Variants in RAPGEF4 observed in about 807,000 individuals in gnomAD.
RAPGEF4 encodes RAP guanine-nucleotide-exchange factor (GEF) 4.
In RAPGEF4, 66 loss-of-function variants were observed where a neutral mutation model predicts 147.9. The observed-to-expected ratio is 0.45, with a 90% CI of 0.37 to 0.55. The LOEUF is 0.55. Ranked by LOEUF, RAPGEF4 falls within the 20% of genes least tolerant of loss-of-function variation. RAPGEF4 has a pLI of 0.00. For missense variants in RAPGEF4, 1,071 were observed against 1,257.3 expected (o/e 0.85, Z 2.24); for synonymous variants, 419 against 442.7 (o/e 0.95, Z 0.67).
chr2:172,800,646 A>G (rs1406850204), intron 3 of RAPGEF4, among the ~76,000 whole-genome samples: 2 of 152,284 alleles, frequency 1.3e-5, no homozygotes, highest in East Asian at 3.9e-4. Flanking sequence ...TGAAGTCTAG[A>G]GCTGGCAGGC....
intron 4 of RAPGEF4, among the ~76,000 whole-genome samples, chr2:172,878,104 A>G (rs1002788323): frequency 1.3e-5 from 2 of 152,360 alleles, no homozygotes; most frequent in Non-Finnish European, 2.9e-5. Flanking sequence ...TGCACTTCAA[A>G]TGAATTAATT....
intron 5 of RAPGEF4, 51 bp from the exon 6 acceptor site, chr2:172,922,230 C>T (rs552215864): frequency 1.1e-5 from 18 of 1,565,556 alleles, no homozygotes; most frequent in Admixed American, 5.1e-5. Flanking sequence ...TCCACTTTAC[C>T]GGTTGATTAT....
chr2:172,907,216 G>T, intron 4 of RAPGEF4, among the ~76,000 whole-genome samples: 1 of 152,304 alleles, frequency 6.6e-6, no homozygotes, highest in East Asian at 1.9e-4. Context: ...TATTAGTATA[G>T]TCTGTATACT....
At chr2:172,831,905 A>T (rs1690394704) in intron 4 of RAPGEF4, among the ~76,000 whole-genome samples, 1 of 152,204 alleles carries the variant, frequency 6.6e-6, no homozygotes, top group Non-Finnish European at 1.5e-5. Flanking sequence ...TGTGGGGTAG[A>T]TGACCTTGCA....
rs530749626 is a variant in RAPGEF4, at chr2:173,047,825, T to C, written c.2854-775T>C. ...CCAAGTAGCTGGGACTACAGGCGCC[T>C]GCCACCACGCCCGGCTAATTTTTTG... On this transcript the variant is annotated intron_variant, in intron 29 of 30. Coordinates refer to ENST00000397081, the MANE Select transcript of RAPGEF4 (RefSeq NM_007023.4). Among the ~76,000 whole-genome samples, 184 of 151,448 alleles carry C rather than the reference T, an allele frequency of 1.2e-3. No homozygotes were observed. The East Asian group carries it at 0.014, about 11-fold the overall frequency.
At chr2:172,966,133 C>T (rs991881628) in intron 9 of RAPGEF4, among the ~76,000 whole-genome samples, 2 of 152,066 alleles carry the variant, frequency 1.3e-5, no homozygotes, top group African/African-American at 2.4e-5. Context: ...ATTTGTATAC[C>T]CACAGGATGA....
At chr2:172,795,207 T>C in intron 2 of RAPGEF4, 40 bp downstream of exon 2, 1 of 1,550,082 alleles carries the variant, frequency 6.5e-7, no homozygotes, top group Non-Finnish European at 8.9e-7. Context: ...CCATGTATGG[T>C]TTATGCTGAT....
chr2:172,754,820 A>G (rs949225426), intron 1 of RAPGEF4, among the ~76,000 whole-genome samples: 11 of 152,188 alleles, frequency 7.2e-5, no homozygotes, highest in Non-Finnish European at 1.3e-4. Context: ...AGGCGGGCGG[A>G]TCACGAGGTC....
chr2:173,014,566 G>A lies in RAPGEF4; in HGVS notation c.1761G>A (p.Met587Ile). Residue 587 changes from methionine (M) to isoleucine (I), a missense_variant, in exon 18 of 31, where the codon ATG becomes ATA. By Grantham distance (10) the Met-to-Ile change is conservative. Transcript: ENST00000397081. ...VIRLVLQWAAMYGDLLQEDDV... is the reference protein window; with the variant it reads ...VIRLVLQWAAIYGDLLQEDDV... ...GCCTGGTTCTACAGTGGGCTGCCATGTATGGAGACCTCCTGCAAGAGGATG... is the reference window on the plus strand; with the variant it reads ...GCCTGGTTCTACAGTGGGCTGCCATATATGGAGACCTCCTGCAAGAGGATG... 6.2e-7 allele frequency: 1 copy of A among 1,614,112 alleles called. No individual in the cohort carries two copies. Among genetic ancestry groups the A allele is most frequent in the Non-Finnish European group, 8.5e-7 (1 of 1,179,972 alleles).
At chr2:172,976,609 G>A (rs1054154133) in intron 10 of RAPGEF4, among the ~76,000 whole-genome samples, 9 of 152,172 alleles carry the variant, frequency 5.9e-5, no homozygotes, top group African/African-American at 1.9e-4. Context: ...TATTTATAAT[G>A]TTGATTTCTC....
intron 15 of RAPGEF4, among the ~76,000 whole-genome samples, chr2:172,995,245 T>TTGTGTGTGTGTGTG (rs71018528): frequency 7.2e-6 from 1 of 138,590 alleles, no homozygotes; most frequent in African/African-American, 2.8e-5. Flanking sequence ...ACTTGCCTGT[T>TTGTGTGTGTGTGTG]TGTGTGTGTG....
At chr2:172,985,324 C>T in intron 11 of RAPGEF4, 109 bp from the exon 12 acceptor site, 1 of 1,472,516 alleles carries the variant, frequency 6.8e-7, no homozygotes, top group Non-Finnish European at 9.4e-7. Context: ...GAGATGACTG[C>T]ATGGGAAGCC....
At chr2:172,963,126 T>C (rs1689471028) in intron 8 of RAPGEF4, among the ~76,000 whole-genome samples, 1 of 152,076 alleles carries the variant, frequency 6.6e-6, no homozygotes, top group Non-Finnish European at 1.5e-5. Context: ...TCAGATCTCA[T>C]GAGAACTCAC....
At chr2:172,813,989 T>G (rs892479850) in intron 3 of RAPGEF4, among the ~76,000 whole-genome samples, 2 of 152,186 alleles carry the variant, frequency 1.3e-5, no homozygotes, top group Admixed American at 6.5e-5. Context: ...GTCTGACTTC[T>G]TTTACATGAA....
chr2:172,910,633 G>A (rs1559113784), intron 4 of RAPGEF4, among the ~76,000 whole-genome samples: 1 of 152,210 alleles, frequency 6.6e-6, no homozygotes, highest in Non-Finnish European at 1.5e-5. Flanking sequence ...TGAGCACCTG[G>A]GGGCTGGAAT....
intron 4 of RAPGEF4, among the ~76,000 whole-genome samples, chr2:172,826,595 G>T (rs1357297648): frequency 2.6e-5 from 4 of 152,304 alleles, no homozygotes; most frequent in Non-Finnish European, 5.9e-5. Flanking sequence ...ATCAGATATT[G>T]TATTTAGTAG....
intron 27 of RAPGEF4, 35 bp downstream of exon 27, chr2:173,033,999 T>C: frequency 6.4e-7 from 1 of 1,562,624 alleles, no homozygotes. Flanking sequence ...CTGTTCACTG[T>C]CTACATTAAT....
At chr2:172,819,753 C>T (rs1214652003) in intron 4 of RAPGEF4, among the ~76,000 whole-genome samples, 1 of 152,168 alleles carries the variant, frequency 6.6e-6, no homozygotes, top group Non-Finnish European at 1.5e-5. Flanking sequence ...GCGTGAACCA[C>T]CGCGCCCGGC....
chr2:172,947,136 G>C (rs560361062), intron 6 of RAPGEF4, among the ~76,000 whole-genome samples: 4 of 152,232 alleles, frequency 2.6e-5, no homozygotes, highest in Admixed American at 2.6e-4. Context: ...GGCTTCCTAA[G>C]GGTTAAATCT....
Sources: gnomAD v4.1 joint callset for allele counts (sites outside exome capture counted in the v4.1 genomes callset) on GRCh38, gnomAD v4.1.1 for gene constraint, MANE v1.5 for transcripts, NCBI Gene and HGNC (gene_info 2026-07-23, HGNC 2026-07-21) for gene names.